GPHN: variants seen among roughly 807,000 people sequenced by gnomAD.
GPHN encodes the protein gephyrin.
In GPHN, 17 loss-of-function variants were observed where a neutral mutation model predicts 95.5. The ratio of observed to expected loss-of-function variants is 0.18; its 90% CI spans 0.12 to 0.27. The LOEUF (loss-of-function observed/expected upper bound fraction) is 0.27. Ranked by LOEUF, GPHN falls within the 10% of genes least tolerant of loss-of-function variation. The pLI, the probability that GPHN is intolerant of heterozygous loss-of-function variation, is 1.00. For synonymous variants in GPHN, 320 were observed against 322.5 expected, an observed-to-expected ratio of 0.99 and a Z score of 0.08; for missense variants, 660 against 978.1, an observed-to-expected ratio of 0.67 and a Z score of 4.34.
intron 11 of GPHN, among the ~76,000 whole-genome samples, chr14:67,083,605 T>C (rs1308334535): frequency 5.9e-5 from 9 of 152,206 alleles, no homozygotes; most frequent in Non-Finnish European, 8.8e-5. Flanking sequence ...ATATTACAAA[T>C]TGAATATATA....
chr14:67,326,114 C>T, the GPHN span, among the ~76,000 whole-genome samples: 6 of 150,610 alleles, frequency 4.0e-5, no homozygotes, highest in East Asian at 5.8e-4. Context: ...CGTGAGCCAC[C>T]GTGCCCGGCC....
At chr14:66,854,883 T>C (rs2062735237) in intron 4 of GPHN, among the ~76,000 whole-genome samples, 1 of 151,722 alleles carries the variant, frequency 6.6e-6, no homozygotes, top group African/African-American at 2.4e-5. Context: ...AGTCTCACTC[T>C]GTCACCCAGA....
At chr14:66,727,544 G>C (rs559511097) in intron 2 of GPHN, among the ~76,000 whole-genome samples, 18 of 152,282 alleles carry the variant, frequency 1.2e-4, no homozygotes, top group African/African-American at 4.3e-4. Context: ...GACTGAGTTG[G>C]TCTCAGATGG....
intron 2 of GPHN, among the ~76,000 whole-genome samples, chr14:66,774,568 A>G (rs1428620622): frequency 6.6e-6 from 1 of 152,152 alleles, no homozygotes; most frequent in Non-Finnish European, 1.5e-5. Context: ...TTTTAAACCT[A>G]TGTATATTTT....
chr14:67,111,074 T>G (rs1462926135), intron 14 of GPHN, among the ~76,000 whole-genome samples: 1 of 152,248 alleles, frequency 6.6e-6, no homozygotes, highest in African/African-American at 2.4e-5. Flanking sequence ...TAAACATATA[T>G]TCTCCCAAGC....
chr14:67,579,907 C>T, the GPHN span: 1 of 1,563,736 alleles, frequency 6.4e-7, no homozygotes, highest in Non-Finnish European at 8.7e-7. Flanking sequence ...CAGCTGAGCC[C>T]CTCCCTGCTC....
chr14:67,685,197 G>A, the GPHN span: 16 of 1,610,658 alleles, frequency 9.9e-6, no homozygotes, highest in Admixed American at 5.0e-5. Flanking sequence ...ACGTCGTAAC[G>A]CCAGAGCCTG....
intron 9 of GPHN, among the ~76,000 whole-genome samples, chr14:67,003,859 G>A (rs1054570507): frequency 6.6e-6 from 1 of 151,654 alleles, no homozygotes; most frequent in Non-Finnish European, 1.5e-5. Flanking sequence ...ACAAGATATA[G>A]ATCTTTGAGT....
chr14:67,192,046 T>C, the GPHN span, among the ~76,000 whole-genome samples: 1 of 152,240 alleles, frequency 6.6e-6, no homozygotes, highest in South Asian at 2.1e-4. Flanking sequence ...CAGCTAGTGC[T>C]AGAACGAGCT....
chr14:67,692,978 T>G, the GPHN span: 1 of 1,614,114 alleles, frequency 6.2e-7, no homozygotes, highest in Non-Finnish European at 8.5e-7. Context: ...GATACCTGTA[T>G]TAGCTCCTGT....
the GPHN span, chr14:67,575,671 C>G: frequency 1.4e-6 from 1 of 718,230 alleles, no homozygotes; most frequent in African/African-American, 1.8e-5. Context: ...ATTCTGCTGC[C>G]AGCCTGGCTG....
At chr14:67,540,094 T>C in the GPHN span, among the ~76,000 whole-genome samples, 1 of 152,064 alleles carries the variant, frequency 6.6e-6, no homozygotes, top group Non-Finnish European at 1.5e-5. Flanking sequence ...GAAAAGGGGA[T>C]TTTGAAAAGC....
At chr14:66,846,505 T>C (rs1168026443) in intron 4 of GPHN, among the ~76,000 whole-genome samples, 2 of 152,062 alleles carry the variant, frequency 1.3e-5, no homozygotes, top group Non-Finnish European at 2.9e-5. Context: ...ATCTAATGGT[T>C]TGAGGAAAAT....
chr14:67,144,250 A>T (rs987481979), intron 18 of GPHN, among the ~76,000 whole-genome samples: 8,133 of 56,758 alleles, frequency 0.14, 1,750 homozygotes, highest in African/African-American at 0.45. Context: ...AAAAAAAAAA[A>T]ATATATATAT....
intron 2 of GPHN, among the ~76,000 whole-genome samples, chr14:66,681,741 A>G (rs1222997097): frequency 6.6e-6 from 1 of 152,160 alleles, no homozygotes; most frequent in East Asian, 1.9e-4. Context: ...CATATACTCT[A>G]CAATAATGTC....
At chr14:67,600,130 G>A in the GPHN span, 4 of 1,596,310 alleles carry the variant, frequency 2.5e-6, no homozygotes, top group Non-Finnish European at 3.4e-6. Context: ...TTCCCGGCAG[G>A]ACGGGGAGTA....
chr14:67,216,360 G>A, the GPHN span, among the ~76,000 whole-genome samples: 4 of 151,780 alleles, frequency 2.6e-5, no homozygotes, highest in African/African-American at 7.2e-5. Context: ...AGTTAATCAC[G>A]TTTTGTTAAT....
At chr14:66,820,683 T>C (rs986230872) in intron 3 of GPHN, among the ~76,000 whole-genome samples, 1 of 152,164 alleles carries the variant, frequency 6.6e-6, no homozygotes, top group African/African-American at 2.4e-5. Context: ...CATTATGACC[T>C]CTTTGGAGTC....
chr14:67,580,894 C>T, the GPHN span: 2 of 1,302,466 alleles, frequency 1.5e-6, no homozygotes, highest in Non-Finnish European at 2.2e-6. Flanking sequence ...TCCCTTCTCT[C>T]CTTATCAGGA....
Sources: gnomAD v4.1 joint callset for allele counts (sites outside exome capture counted in the v4.1 genomes callset) on GRCh38, gnomAD v4.1.1 for gene constraint, MANE v1.5 for transcripts, NCBI Gene and HGNC (gene_info 2026-07-23, HGNC 2026-07-21) for gene names.